TNFSF4: variants seen among roughly 807,000 people sequenced by gnomAD.
The protein encoded by TNFSF4 is TNF superfamily member 4.
Under a neutral mutation model 7.3 loss-of-function variants are expected in TNFSF4, and 4 were observed. The observed-to-expected ratio is 0.55, with a 90% CI of 0.27 to 1.25. The LOEUF (loss-of-function observed/expected upper bound fraction) is 1.25. Ranked by LOEUF, TNFSF4 falls within the 50% of genes most tolerant of loss-of-function variation. The pLI is 0.12. For synonymous variants in TNFSF4, 76 were observed against 83.7 expected (o/e 0.91, Z 0.50); for missense variants, 181 against 208.8 (o/e 0.87, Z 0.82).
In TNFSF4 at chr1:173,185,128, T is replaced by C. The variant is rs1649168196; in HGVS notation, c.*1388A>G. 1 of 152,190 alleles carries C rather than the reference T, an allele frequency of 6.6e-6. No homozygotes were observed. Among genetic ancestry groups the C allele is most frequent in the South Asian group, 2.1e-4 (1 of 4,828 alleles). 9.4% of individuals were successfully genotyped at this position (152,190 alleles called of 1,614,324 possible). ...AGTACAATTCCTTGATAACACAGAA[T>C]CATCCAGAAAGATTCTGTGATGTTG... is the stretch of plus-strand genomic sequence containing the variant. On this transcript the variant is annotated 3_prime_UTR_variant, in exon 3 of 3. Coordinates refer to ENST00000281834, the MANE Select transcript of TNFSF4 (RefSeq NM_003326.5).
At chr1:173,422,170 G>C in the TNFSF4 span, among the ~76,000 whole-genome samples, 1 of 152,092 alleles carries the variant, frequency 6.6e-6, no homozygotes, top group Non-Finnish European at 1.5e-5. Context: ...AATAGTAAGT[G>C]CTCAGTAGAT....
chr1:173,337,171 C>G, the TNFSF4 span, among the ~76,000 whole-genome samples: 1 of 152,114 alleles, frequency 6.6e-6, no homozygotes, highest in African/African-American at 2.4e-5. Context: ...GCAGTGCAGG[C>G]CCCTAGGATT....
chr1:173,236,748 C>T, the TNFSF4 span, among the ~76,000 whole-genome samples: 1 of 151,956 alleles, frequency 6.6e-6, no homozygotes, highest in Non-Finnish European at 1.5e-5. Context: ...AAACTAAACA[C>T]CAGATATTTT....
the TNFSF4 span, among the ~76,000 whole-genome samples, chr1:173,347,177 C>T: frequency 6.6e-6 from 1 of 152,208 alleles, no homozygotes; most frequent in African/African-American, 2.4e-5. Flanking sequence ...GCACTATCTC[C>T]TTGAATGATT....
chr1:173,272,346 T>TA, the TNFSF4 span, among the ~76,000 whole-genome samples: 25 of 151,680 alleles, frequency 1.6e-4, no homozygotes, highest in Admixed American at 2.6e-4. Context: ...AGTATAATAA[T>TA]AAAAAAAACA....
the TNFSF4 span, among the ~76,000 whole-genome samples, chr1:173,436,327 T>C: frequency 2.0e-5 from 3 of 152,174 alleles, no homozygotes; most frequent in African/African-American, 7.2e-5. Context: ...TGGGAAATAA[T>C]ACAAAATGCC....
At chr1:173,359,238 G>A in the TNFSF4 span, among the ~76,000 whole-genome samples, 5 of 151,990 alleles carry the variant, frequency 3.3e-5, no homozygotes, top group South Asian at 2.1e-4. Flanking sequence ...AGCCTAGCCC[G>A]TAGTAGTAAC....
chr1:173,430,601 C>T, the TNFSF4 span, among the ~76,000 whole-genome samples: 1 of 152,134 alleles, frequency 6.6e-6, no homozygotes, highest in South Asian at 2.1e-4. Context: ...CTAACAGATT[C>T]TTTGAAAAAG....
the TNFSF4 span, among the ~76,000 whole-genome samples, chr1:173,257,900 A>C: frequency 6.6e-6 from 1 of 152,212 alleles, no homozygotes; most frequent in African/African-American, 2.4e-5. Context: ...TCAGACTGAT[A>C]TCACAATGGC....
chr1:173,398,415 T>TC, the TNFSF4 span, among the ~76,000 whole-genome samples: 1 of 146,484 alleles, frequency 6.8e-6, no homozygotes, highest in Non-Finnish European at 1.5e-5. Flanking sequence ...TTTTCTTTTT[T>TC]TTTTTTTTTT....
Position 173,207,301 on chromosome 1 carries a change from AG to A in TNFSF4, c.-126del. ...AGCCTATCAATCAGAAAATAGGCAA[AG>A]GTCCCAGGGCCAGAGATAAAAGGCG... On this transcript the variant is annotated 5_prime_UTR_variant, in exon 1 of 3. Coordinates refer to ENST00000281834, the MANE Select transcript of TNFSF4 (RefSeq NM_003326.5). 1.2e-6 allele frequency: 1 copy of A among 851,226 alleles called. No individual in the cohort carries two copies. The highest frequency in any genetic ancestry group is 1.8e-6 in the Non-Finnish European group (1 of 566,130). The allele number at this position is 851,226 out of a possible 1,614,324, so 52.7% of individuals were successfully genotyped here.
the TNFSF4 span, among the ~76,000 whole-genome samples, chr1:173,387,767 AAT>A: frequency 6.6e-6 from 1 of 152,218 alleles, no homozygotes; most frequent in African/African-American, 2.4e-5. Context: ...TGGTAAAAAA[AAT>A]TGTTCATTAA....
the TNFSF4 span, among the ~76,000 whole-genome samples, chr1:173,351,166 G>T: frequency 6.6e-6 from 1 of 152,162 alleles, no homozygotes; most frequent in Admixed American, 6.5e-5. Flanking sequence ...CACATCCTGA[G>T]CCTGCCAGTT....
chr1:173,410,366 T>A, the TNFSF4 span, among the ~76,000 whole-genome samples: 101 of 152,080 alleles, frequency 6.6e-4, 2 homozygotes, highest in South Asian at 0.012. Flanking sequence ...ACAAAGAAGC[T>A]CTAAATTTGC....
chr1:173,193,238 A>C (rs1264428098), intron 1 of TNFSF4, among the ~76,000 whole-genome samples: 1 of 152,110 alleles, frequency 6.6e-6, no homozygotes, highest in African/African-American at 2.4e-5. Flanking sequence ...TTCTCCACAT[A>C]CTCAAAGAAA....
chr1:173,321,940 T>C, the TNFSF4 span, among the ~76,000 whole-genome samples: 1 of 152,172 alleles, frequency 6.6e-6, no homozygotes, highest in East Asian at 1.9e-4. Flanking sequence ...GTAATACCAT[T>C]TGACCCAACA....
chr1:173,410,744 A>G, the TNFSF4 span, among the ~76,000 whole-genome samples: 1 of 152,330 alleles, frequency 6.6e-6, no homozygotes, highest in East Asian at 1.9e-4. Flanking sequence ...CCAGGTTATC[A>G]TCCAATGTCC....
the TNFSF4 span, among the ~76,000 whole-genome samples, chr1:173,321,361 A>T: frequency 6.6e-6 from 1 of 152,196 alleles, no homozygotes; most frequent in South Asian, 2.1e-4. Context: ...GTAAAACCCA[A>T]AACCCTAAAA....
the TNFSF4 span, among the ~76,000 whole-genome samples, chr1:173,380,835 C>A: frequency 1.4e-3 from 217 of 152,190 alleles, 1 homozygote; most frequent in African/African-American, 4.8e-3. Flanking sequence ...ACAAACTCAC[C>A]CACCTTTTTT....
Sources: allele counts gnomAD v4.1 joint callset (sites outside exome capture counted in the v4.1 genomes callset), GRCh38; gene constraint gnomAD v4.1.1; transcripts MANE v1.5; gene names NCBI Gene and HGNC (gene_info 2026-07-23, HGNC 2026-07-21).